Variants in ZNF277 observed in about 807,000 individuals in gnomAD.
The protein encoded by ZNF277 is nuclear receptor-interacting factor 4.
A neutral mutation model predicts 60.7 loss-of-function variants in ZNF277; 55 were observed. The observed-to-expected ratio is 0.91, with a 90% CI of 0.73 to 1.13. The LOEUF is 1.13. Among genes scored for constraint, ZNF277 ranks in the 50% most tolerant of loss-of-function variants. The pLI is 0.00. For missense variants in ZNF277, 510 were observed against 523.0 expected (o/e 0.98, Z 0.24); for synonymous variants, 178 against 179.3 (o/e 0.99, Z 0.06).
intron 4 of ZNF277, among the ~76,000 whole-genome samples, chr7:112,305,697 A>G (rs1412308955): frequency 6.6e-6 from 1 of 152,068 alleles, no homozygotes; most frequent in Non-Finnish European, 1.5e-5. Flanking sequence ...TCTTTCCTTT[A>G]TATTTTAAAT....
chr7:112,330,266 A>C (rs1447557880), intron 7 of ZNF277, 50 bp downstream of exon 7: 3 of 1,587,934 alleles, frequency 1.9e-6, no homozygotes, highest in Non-Finnish European at 2.6e-6. Flanking sequence ...ACTGCAAACA[A>C]AATCTTTCTG....
chr7:112,270,005 C>T (rs949625132), intron 1 of ZNF277, among the ~76,000 whole-genome samples: 2 of 151,982 alleles, frequency 1.3e-5, no homozygotes, highest in African/African-American at 4.8e-5. Context: ...AGGGACAGAT[C>T]GTTCAAAACC....
intron 5 of ZNF277, among the ~76,000 whole-genome samples, chr7:112,327,197 C>T (rs190338823): frequency 2.0e-5 from 3 of 152,270 alleles, no homozygotes; most frequent in East Asian, 3.9e-4. Flanking sequence ...GATCCCCAAC[C>T]TTTTTGGCAC....
chr7:112,282,594 C>T (rs1260519478), intron 1 of ZNF277, among the ~76,000 whole-genome samples: 1 of 152,240 alleles, frequency 6.6e-6, no homozygotes, highest in East Asian at 1.9e-4. Flanking sequence ...TCCCTCTCCT[C>T]TCCTCTATCC....
At position 112,272,773 on chromosome 7, in the gene ZNF277, C is replaced by T. The variant is rs962662346; in HGVS notation, c.92-14100C>T. On this transcript the variant is annotated intron_variant, in intron 1 of 11. Coordinates refer to ENST00000361822, the MANE Select transcript of ZNF277 (RefSeq NM_021994.3). ...ACTTCCAAAGTGCTGGGATAACAGG[C>T]GTGAGCCACTGTACCCGGCCTTATT... Among the ~76,000 whole-genome samples, 10 of 152,232 alleles carry T rather than the reference C, an allele frequency of 6.6e-5. No individual in the cohort carries two copies. The East Asian group carries it at 1.2e-3, about 18-fold the overall frequency.
chr7:112,252,209 C>T (rs547282689), intron 1 of ZNF277, among the ~76,000 whole-genome samples: 20 of 152,186 alleles, frequency 1.3e-4, no homozygotes, highest in Admixed American at 5.9e-4. Flanking sequence ...ATGAAAGTTC[C>T]ATTGATTTGC....
chr7:112,276,591 A>G (rs543969249), intron 1 of ZNF277, among the ~76,000 whole-genome samples: 1 of 152,320 alleles, frequency 6.6e-6, no homozygotes, highest in South Asian at 2.1e-4. Flanking sequence ...GCCCTATTAG[A>G]GACTTTCCAG....
chr7:112,315,361 T>C (rs1358619603), intron 4 of ZNF277, among the ~76,000 whole-genome samples: 1 of 151,964 alleles, frequency 6.6e-6, no homozygotes, highest in African/African-American at 2.4e-5. Context: ...GGATAGCTAA[T>C]GTAGAGGAGG....
At chr7:112,273,357 G>A (rs1362403582) in intron 1 of ZNF277, among the ~76,000 whole-genome samples, 1 of 152,090 alleles carries the variant, frequency 6.6e-6, no homozygotes, top group Non-Finnish European at 1.5e-5. Context: ...ATGCAAAGTC[G>A]CACAATCACT....
chr7:112,342,383 C>T (rs568269129), intron 11 of ZNF277, among the ~76,000 whole-genome samples, 178 bp from the exon 12 acceptor site: 1 of 152,190 alleles, frequency 6.6e-6, no homozygotes, highest in Non-Finnish European at 1.5e-5. Flanking sequence ...AGGTTGATGT[C>T]AGCCAGTAAA....
chr7:112,228,041 C>T (rs73422531), intron 1 of ZNF277, among the ~76,000 whole-genome samples: 2,418 of 152,088 alleles, frequency 0.016, 72 homozygotes, highest in African/African-American at 0.055. Flanking sequence ...AGCAGGGCTA[C>T]GCTCTCTTTG....
chr7:112,268,502 G>T (rs1418543266), intron 1 of ZNF277, among the ~76,000 whole-genome samples: 1 of 151,888 alleles, frequency 6.6e-6, no homozygotes, highest in Non-Finnish European at 1.5e-5. Context: ...TTGCATATGA[G>T]ATCATTTGGT....
rs185684568 is a variant in ZNF277, at chr7:112,341,065, A to G, written c.1184+19A>G. The G allele has an allele frequency of 3.8e-4, 585 of 1,555,324 alleles. No individual in the cohort carries two copies. Among genetic ancestry groups the G allele is most frequent in the Non-Finnish European group, 3.9e-4 (446 of 1,152,590 alleles). On this transcript the variant is annotated intron_variant, in intron 11 of 11. Coordinates refer to ENST00000361822, the MANE Select transcript of ZNF277 (RefSeq NM_021994.3). ...AACTGGAGTACGTACTGCAAAACCA[A>G]ATGTGCACTTCTTACTCCAACTCTT... is the stretch of plus-strand genomic sequence containing the variant.
At chr7:112,290,397 G>A (rs1354999437) in intron 2 of ZNF277, among the ~76,000 whole-genome samples, 1 of 152,048 alleles carries the variant, frequency 6.6e-6, no homozygotes, top group East Asian at 1.9e-4. Context: ...TACGTGGGCA[G>A]AAAAATTGAA....
At chr7:112,217,792 T>C (rs1382226767) in intron 1 of ZNF277, among the ~76,000 whole-genome samples, 1 of 152,202 alleles carries the variant, frequency 6.6e-6, no homozygotes, top group Non-Finnish European at 1.5e-5. Flanking sequence ...CAGTTGTTCC[T>C]AGGGATAACA....
chr7:112,233,103 T>G (rs1348571040), intron 1 of ZNF277, among the ~76,000 whole-genome samples: 2 of 152,188 alleles, frequency 1.3e-5, no homozygotes, highest in Non-Finnish European at 2.9e-5. Flanking sequence ...ATCTTGTTAA[T>G]GCTTCGTTTT....
Position 112,286,858 on chromosome 7 carries a change from T to TTTTTTTTTTTTTTTTTTTC in ZNF277, c.92-13_92-12insTTTTTTTTTTTTTTTTCTT. On this transcript the variant is annotated splice_polypyrimidine_tract_variant and intron_variant, in intron 1 of 11. Coordinates refer to ENST00000361822, the MANE Select transcript of ZNF277 (RefSeq NM_021994.3). The stretch of plus-strand genomic sequence containing the variant: ...CTTTCTTTCTTTTTTTTTTTTTTTT[T>TTTTTTTTTTTTTTTTTTTC]TTGGTCTATTCCAGACAGTAAGGAT... 6.8e-7 allele frequency: 1 copy of TTTTTTTTTTTTTTTTTTTC among 1,471,580 alleles called. No homozygotes were observed. The highest frequency in any genetic ancestry group is 1.4e-5 in the South Asian group (1 of 71,124). 91.2% of individuals were successfully genotyped at this position (1,471,580 alleles called of 1,614,324 possible). A position where few individuals can be genotyped will look rare whatever the true frequency, so the allele number is the denominator to read the frequency against.
chr7:112,337,684 TTAA>T, intron 8 of ZNF277, 43 bp from the exon 9 acceptor site: 1 of 1,549,200 alleles, frequency 6.5e-7, no homozygotes, highest in South Asian at 1.1e-5. Flanking sequence ...GTATACTCTC[TTAA>T]TGAAGGGAAT....
chr7:112,330,479 G>T, intron 7 of ZNF277: 1 of 410,686 alleles, frequency 2.4e-6, no homozygotes, highest in Non-Finnish European at 4.2e-6. Flanking sequence ...AAAAAATACA[G>T]CATTTGGATA....
Sources: allele counts gnomAD v4.1 joint callset (sites outside exome capture counted in the v4.1 genomes callset), GRCh38; gene constraint gnomAD v4.1.1; transcripts MANE v1.5; gene names NCBI Gene and HGNC (gene_info 2026-07-23, HGNC 2026-07-21).